Variants in TNN observed in about 807,000 individuals in gnomAD.
TNN encodes the protein tenascin N.
In TNN, 122 loss-of-function variants were observed where a neutral mutation model predicts 134.4. That is an observed-to-expected ratio of 0.91 (90% confidence interval 0.78 to 1.06). TNN has a LOEUF of 1.06. TNN is among the 50% of genes least tolerant of loss of function. The pLI is 0.00. For synonymous variants in TNN, 710 were observed against 670.3 expected, an observed-to-expected ratio of 1.06 and a Z score of -0.91; for missense variants, 1,739 against 1,699.4, an observed-to-expected ratio of 1.02 and a Z score of -0.41.
rs1199475816 is a variant in TNN, at chr1:175,080,353, C to T, written c.975C>T (p.Thr325=). 6.2e-7 allele frequency: 1 copy of T among 1,614,088 alleles called. No homozygotes were observed. Among genetic ancestry groups the T allele is most frequent in the Non-Finnish European group, 8.5e-7 (1 of 1,180,002 alleles). ...SYEILGLLPG[T]KYIVTLRNVK... ...AGATTCTTGGTTTGCTGCCTGGAAC[C>T]AAGTACATAGTCACCCTGCGTAACG... The change falls in exon 4 of 19, where the codon ACC becomes ACT. Residue 325 remains threonine, a synonymous_variant. Coordinates refer to ENST00000239462, the MANE Select transcript of TNN (RefSeq NM_022093.2).
intron 8 of TNN, 132 bp downstream of exon 8, chr1:175,097,815 C>A: frequency 2.3e-6 from 3 of 1,292,344 alleles, no homozygotes; most frequent in Admixed American, 2.7e-5. Context: ...AAAGACTGAG[C>A]TCTCGTGGTG....
intron 6 of TNN, among the ~76,000 whole-genome samples, chr1:175,088,431 C>T (rs188957894): frequency 1.3e-5 from 2 of 152,246 alleles, no homozygotes; most frequent in Admixed American, 6.5e-5. Flanking sequence ...TAACATCACA[C>T]CTCCCCTCCT....
At chr1:175,113,345 T>C (rs1675085930) in intron 9 of TNN, among the ~76,000 whole-genome samples, 1 of 152,248 alleles carries the variant, frequency 6.6e-6, no homozygotes, top group East Asian at 1.9e-4. Flanking sequence ...AGTTGACAGC[T>C]TTTTTTCCAC....
Position 175,098,495 on chromosome 1 carries a change from A to G in TNN, c.2019A>G (p.Thr673=). 4.3e-6 allele frequency: 7 copies of G among 1,614,100 alleles called. No individual in the cohort carries two copies. Among genetic ancestry groups the G allele is most frequent in the Non-Finnish European group, 5.9e-6 (7 of 1,179,988 alleles). Reference sequence around the variant, plus strand: ...CGGTGGGGAAGGAGCAGAGCAGCACAGTCCTGACAGGCCTGAGACCGGGTA... The same window carrying G: ...CGGTGGGGAAGGAGCAGAGCAGCACGGTCCTGACAGGCCTGAGACCGGGTA... ...EVPVGKEQSS[T]VLTGLRPGME... Residue 673 remains threonine (T), a synonymous_variant, in exon 9 of 19, where the codon ACA becomes ACG. Transcript: ENST00000239462.
intron 9 of TNN, among the ~76,000 whole-genome samples, chr1:175,104,123 C>T (rs1333524086): frequency 1.4e-5 from 2 of 146,192 alleles, no homozygotes. Context: ...CTCCCAATTA[C>T]AACTGAGGAG....
At chr1:175,071,992 A>G (rs1394276776) in intron 1 of TNN, among the ~76,000 whole-genome samples, 2 of 152,234 alleles carry the variant, frequency 1.3e-5, no homozygotes, top group Non-Finnish European at 2.9e-5. Context: ...CTCTGAGCTC[A>G]CAAGGATACC....
chr1:175,095,482 C>A (rs1308776465), intron 7 of TNN, among the ~76,000 whole-genome samples: 1 of 152,172 alleles, frequency 6.6e-6, no homozygotes, highest in East Asian at 1.9e-4. Flanking sequence ...TAGATTGCCC[C>A]TCCTGGTTTA....
intron 8 of TNN, 147 bp downstream of exon 8, chr1:175,097,830 C>T (rs901935652): frequency 5.7e-5 from 65 of 1,149,962 alleles, no homozygotes; most frequent in East Asian, 7.7e-5. Flanking sequence ...GTGGTGATGG[C>T]GGTGGGCTGC....
chr1:175,119,884 T>C (rs935339186), intron 11 of TNN, among the ~76,000 whole-genome samples: 6 of 152,074 alleles, frequency 3.9e-5, no homozygotes, highest in Admixed American at 2.6e-4. Flanking sequence ...GTGATCCGCC[T>C]ACCATGGCCT....
chr1:175,093,547 G>A (rs1054331854), intron 6 of TNN, among the ~76,000 whole-genome samples: 1 of 151,532 alleles, frequency 6.6e-6, no homozygotes, highest in Admixed American at 6.5e-5. Context: ...GTAGATAAAA[G>A]TGCCAGGCCT....
rs577958912 is a variant in TNN at position 175,093,595 on chromosome 1, ATGT to A, written c.1325-390_1325-388del. 8.1e-4 allele frequency among the ~76,000 whole-genome samples: 124 copies of A among 152,214 alleles called. 1 individual carries two copies. The highest frequency in any genetic ancestry group is 2.9e-3 in the African/African-American group (120 of 41,536). On this transcript the variant is annotated intron_variant, in intron 6 of 18. Transcript: ENST00000239462. The stretch of plus-strand genomic sequence containing the variant: ...TTGGAAGCAATGAACAGGGGAGGTG[ATGT>A]TGTTTTGATTTGAGGAGAACTAGGG...
At chr1:175,074,292 G>A (rs1037209231) in intron 1 of TNN, among the ~76,000 whole-genome samples, 2 of 152,006 alleles carry the variant, frequency 1.3e-5, no homozygotes, top group African/African-American at 2.4e-5. Context: ...AGACCAGGTT[G>A]GGCAAGATGG....
rs1172347562 is a variant in TNN, at chr1:175,147,836, A to T, written c.*765A>T. The T allele has an allele frequency of 6.6e-6, 1 of 152,164 alleles. No homozygotes were observed. Among genetic ancestry groups the T allele is most frequent in the Admixed American group, 6.5e-5 (1 of 15,276 alleles). 9.4% of individuals were successfully genotyped at this position (152,164 alleles called of 1,614,324 possible). ...AAAGACTCTTCTGCAACTCCCATTC[A>T]TGCCCACCAGGCCTCAGACTCCCTC... On this transcript the variant is annotated 3_prime_UTR_variant, in exon 19 of 19. Transcript: ENST00000239462.
chr1:175,091,438 T>C (rs1558353394), intron 6 of TNN, among the ~76,000 whole-genome samples: 1 of 152,190 alleles, frequency 6.6e-6, no homozygotes, highest in African/African-American at 2.4e-5. Context: ...CTCTTCTCCA[T>C]CCCTTGAGTG....
Position 175,083,925 on chromosome 1 carries a change from T to G in TNN, c.1224T>G (p.Tyr408Ter), listed in dbSNP as rs2149428547. The stretch of plus-strand genomic sequence containing the variant: ...AGAGCAGTGACCCCAAGAGCCGATA[T>G]GACATCACTGGTAAGAGCCATCACT... ...VPKSSDPKSR[Y>*]DITGLHPGTE... Residue 408 changes from tyrosine (Y) to a stop codon, truncating the protein, a stop_gained, in exon 5 of 19, where the codon TAT (tyrosine) becomes TAG (stop). Transcript: ENST00000239462. LOFTEE classifies it high-confidence loss of function. The G allele has an allele frequency of 2.5e-6, 4 of 1,613,912 alleles. No homozygotes were observed. The highest frequency in any genetic ancestry group is 3.4e-6 in the Non-Finnish European group (4 of 1,179,956).
intron 9 of TNN, among the ~76,000 whole-genome samples, chr1:175,115,958 T>A (rs1574163124): frequency 6.6e-6 from 1 of 152,214 alleles, no homozygotes; most frequent in African/African-American, 2.4e-5. Context: ...CAGTGTTTCC[T>A]TCTGTTCTCT....
In TNN at chr1:175,123,469, C is replaced by T. The variant is rs549544237; in HGVS notation, c.2720C>T (p.Pro907Leu). 23 of 1,614,186 alleles carry T rather than the reference C, an allele frequency of 1.4e-5. No homozygotes were observed. Among genetic ancestry groups the T allele is most frequent in the East Asian group, 6.7e-5 (3 of 44,880 alleles). Residue 907 changes from proline (P) to leucine (L), a missense_variant, in exon 12 of 19, where the codon CCG (proline) becomes CTG (leucine). Transcript: ENST00000239462. ...AATATGGCCACTGTCTCCTGGGACC[C>T]GGTTCAGGCCACCATTGACAAGTAC... is the stretch of plus-strand genomic sequence containing the variant. ...TENMATVSWDPVQATIDKYMV... is the reference protein window; with the variant it reads ...TENMATVSWDLVQATIDKYMV...
chr1:175,126,857 G>A, intron 12 of TNN, 98 bp from the exon 13 acceptor site: 1 of 1,339,668 alleles, frequency 7.5e-7, no homozygotes, highest in Non-Finnish European at 1.0e-6. Context: ...GGAGAAATGG[G>A]AGGGTTTGAA....
At chr1:175,109,566 T>G (rs1242205451) in intron 9 of TNN, among the ~76,000 whole-genome samples, 1 of 151,922 alleles carries the variant, frequency 6.6e-6, no homozygotes, top group Non-Finnish European at 1.5e-5. Flanking sequence ...TTATTTCACT[T>G]AACATAATAA....
Sources: gnomAD v4.1 joint callset for allele counts (sites outside exome capture counted in the v4.1 genomes callset) on GRCh38, gnomAD v4.1.1 for gene constraint, MANE v1.5 for transcripts, NCBI Gene and HGNC (gene_info 2026-07-23, HGNC 2026-07-21) for gene names.